The following SH3BGRL2 variants were observed in gnomAD, a reference collection of about 807,000 sequenced individuals.
SH3BGRL2 encodes the protein SH3 domain binding glutamate rich protein like 2, also known as SH3 domain-binding glutamic acid-rich-like protein 2.
SH3BGRL2 carries 21 observed loss-of-function variants against 14.8 expected under a neutral mutation model. The ratio of observed to expected loss-of-function variants is 1.42; its 90% confidence interval spans 1.01 to 2.05. SH3BGRL2 has a LOEUF of 2.05. Among genes scored for constraint, SH3BGRL2 ranks in the 30% most tolerant of loss-of-function variants. The pLI is 0.00. For missense variants in SH3BGRL2, 147 were observed against 130.8 expected (o/e 1.12, Z -0.61); for synonymous variants, 50 against 47.8 (o/e 1.05, Z -0.19).
chr6:79,639,807 A>T (rs1388134767), intron 1 of SH3BGRL2, among the ~76,000 whole-genome samples: 1 of 152,166 alleles, frequency 6.6e-6, no homozygotes, highest in Non-Finnish European at 1.5e-5. Flanking sequence ...CTGGAGAGTT[A>T]GTTAGAGATT....
At chr6:79,572,892 CTAAATATTTG>C in the SH3BGRL2 span, among the ~76,000 whole-genome samples, 1 of 152,112 alleles carries the variant, frequency 6.6e-6, no homozygotes, top group Admixed American at 6.5e-5. Context: ...ATACTCTATG[CTAAATATTTG>C]TTGCCAATAT....
the SH3BGRL2 span, among the ~76,000 whole-genome samples, chr6:79,578,745 C>T: frequency 6.6e-6 from 1 of 152,122 alleles, no homozygotes; most frequent in African/African-American, 2.4e-5. Context: ...CCTCTTCTCC[C>T]ACAAAGGATT....
At chr6:79,651,338 A>C (rs192450661) in intron 1 of SH3BGRL2, among the ~76,000 whole-genome samples, 16 of 152,328 alleles carry the variant, frequency 1.1e-4, no homozygotes, top group African/African-American at 2.9e-4. Flanking sequence ...TTCAGAGAGA[A>C]TCTCATCAAA....
intron 1 of SH3BGRL2, among the ~76,000 whole-genome samples, chr6:79,646,797 C>T (rs1035221037): frequency 7.9e-5 from 12 of 152,126 alleles, no homozygotes; most frequent in African/African-American, 2.7e-4. Context: ...TAAATGAAAC[C>T]TTTGATGTCT....
chr6:79,578,231 T>TA, the SH3BGRL2 span, among the ~76,000 whole-genome samples: 23 of 152,306 alleles, frequency 1.5e-4, no homozygotes, highest in African/African-American at 5.3e-4. Context: ...TCTGCAGACT[T>TA]AAATGTCCCT....
the SH3BGRL2 span, among the ~76,000 whole-genome samples, chr6:79,559,922 C>T: frequency 2.6e-5 from 4 of 152,058 alleles, no homozygotes; most frequent in Non-Finnish European, 5.9e-5. Flanking sequence ...TATTTGTACT[C>T]TTATTCTTGT....
At chr6:79,644,751 T>G (rs1484979692) in intron 1 of SH3BGRL2, among the ~76,000 whole-genome samples, 2 of 152,210 alleles carry the variant, frequency 1.3e-5, no homozygotes, top group Non-Finnish European at 2.9e-5. Context: ...CAGCCATTAT[T>G]ATTATTGAGT....
the SH3BGRL2 span, among the ~76,000 whole-genome samples, chr6:79,609,745 A>G: frequency 6.6e-6 from 1 of 152,200 alleles, no homozygotes; most frequent in African/African-American, 2.4e-5. Context: ...CCAAAACACC[A>G]AATCAGTCCT....
At chr6:79,626,621 C>A (rs577623896), upstream of SH3BGRL2, among the ~76,000 whole-genome samples, 15 of 152,274 alleles carry the variant, frequency 9.9e-5, no homozygotes, top group East Asian at 2.9e-3. Flanking sequence ...CAGTGCTTTA[C>A]AATGGAGAGA....
chr6:79,546,482 C>T, the SH3BGRL2 span, among the ~76,000 whole-genome samples: 1 of 152,150 alleles, frequency 6.6e-6, no homozygotes, highest in Non-Finnish European at 1.5e-5. Flanking sequence ...TAGGAAACTC[C>T]TCTCTTCACT....
the SH3BGRL2 span, among the ~76,000 whole-genome samples, chr6:79,556,607 A>G: frequency 6.6e-6 from 1 of 152,048 alleles, no homozygotes; most frequent in South Asian, 2.1e-4. Context: ...AAAAAGTCTT[A>G]AAATCACTGT....
At chr6:79,611,664 G>A in the SH3BGRL2 span, among the ~76,000 whole-genome samples, 1 of 152,004 alleles carries the variant, frequency 6.6e-6, no homozygotes, top group Non-Finnish European at 1.5e-5. Context: ...TGCCCACCTC[G>A]GCCTCCCAAA....
At chr6:79,636,060 C>T (rs938279458) in intron 1 of SH3BGRL2, among the ~76,000 whole-genome samples, 7 of 152,122 alleles carry the variant, frequency 4.6e-5, no homozygotes, top group African/African-American at 7.2e-5. Context: ...TCTAATAACA[C>T]GAATGAGAGT....
intron 2 of SH3BGRL2, among the ~76,000 whole-genome samples, chr6:79,682,311 A>C (rs1368632295): frequency 6.6e-6 from 1 of 152,022 alleles, no homozygotes; most frequent in Admixed American, 6.6e-5. Flanking sequence ...TTATTTATTT[A>C]TTTATTTTGA....
the SH3BGRL2 span, among the ~76,000 whole-genome samples, chr6:79,608,212 G>A: frequency 6.6e-6 from 1 of 152,128 alleles, no homozygotes; most frequent in Non-Finnish European, 1.5e-5. Flanking sequence ...CTAACACTGA[G>A]GATTACAATT....
At chr6:79,607,411 T>C in the SH3BGRL2 span, among the ~76,000 whole-genome samples, 1 of 152,160 alleles carries the variant, frequency 6.6e-6, no homozygotes, top group African/African-American at 2.4e-5. Context: ...TGGGCTCTTA[T>C]TGCTTCCTTT....
chr6:79,658,999 T>C (rs1769483594), intron 1 of SH3BGRL2, among the ~76,000 whole-genome samples: 1 of 152,222 alleles, frequency 6.6e-6, no homozygotes, highest in African/African-American at 2.4e-5. Flanking sequence ...GTTTTTTTCT[T>C]GTAAATTTGT....
chr6:79,668,442 G>T (rs1288445037), intron 1 of SH3BGRL2, among the ~76,000 whole-genome samples: 46 of 152,076 alleles, frequency 3.0e-4, no homozygotes, highest in Admixed American at 3.0e-3. Context: ...CCAGGGCCCT[G>T]TGGGGGTGAG....
chr6:79,692,677 C>A (rs914615575), intron 2 of SH3BGRL2, among the ~76,000 whole-genome samples: 4 of 152,212 alleles, frequency 2.6e-5, no homozygotes, highest in African/African-American at 9.6e-5. Flanking sequence ...AGATATGTGG[C>A]ATTATTTCTG....
Sources: allele counts gnomAD v4.1 joint callset (sites outside exome capture counted in the v4.1 genomes callset), GRCh38; gene constraint gnomAD v4.1.1; transcripts MANE v1.5; gene names NCBI Gene and HGNC (gene_info 2026-07-23, HGNC 2026-07-21).